The following WDR7 variants were observed in gnomAD, a reference collection of about 807,000 sequenced individuals.
WDR7 encodes the protein WD repeat domain 7.
WDR7 carries 46 observed loss-of-function variants against 169.4 expected under a neutral mutation model. The ratio of observed to expected loss-of-function variants is 0.27; its 90% CI spans 0.21 to 0.35. The LOEUF (loss-of-function observed/expected upper bound fraction) is 0.35. WDR7 is among the 10% of genes least tolerant of loss of function. WDR7 has a pLI of 1.00. For synonymous variants in WDR7, 612 were observed against 666.8 expected (o/e 0.92, Z 1.27); for missense variants, 1,534 against 1,859.3 (o/e 0.83, Z 3.22).
At chr18:56,919,266 A>G (rs2046674614) in intron 21 of WDR7, among the ~76,000 whole-genome samples, 2 of 152,138 alleles carry the variant, frequency 1.3e-5, no homozygotes, top group South Asian at 4.1e-4. Context: ...ATGTAATTAG[A>G]CCTTAAAAGG....
chr18:57,023,950 G>A (rs1034794148), intron 27 of WDR7, among the ~76,000 whole-genome samples: 1 of 152,132 alleles, frequency 6.6e-6, no homozygotes. Context: ...AACAAGAGAA[G>A]ACTGCCATCA....
At chr18:56,659,462 C>T (rs1028719830) in intron 1 of WDR7, among the ~76,000 whole-genome samples, 1 of 152,144 alleles carries the variant, frequency 6.6e-6, no homozygotes, top group Admixed American at 6.5e-5. Flanking sequence ...AAACACAGAT[C>T]TTTACCATCA....
intron 14 of WDR7, among the ~76,000 whole-genome samples, chr18:56,752,912 A>G (rs1264195927): frequency 6.6e-6 from 1 of 152,242 alleles, no homozygotes; most frequent in Non-Finnish European, 1.5e-5. Flanking sequence ...AAGCATATGC[A>G]GAAATACAAA....
chr18:57,017,224 G>A (rs993827949), intron 26 of WDR7, among the ~76,000 whole-genome samples: 1 of 152,188 alleles, frequency 6.6e-6, no homozygotes, highest in Admixed American at 6.5e-5. Flanking sequence ...AGCACCTCTC[G>A]GGCTGAGATT....
chr18:56,681,094 A>G (rs1253066224), intron 3 of WDR7, among the ~76,000 whole-genome samples: 3 of 152,186 alleles, frequency 2.0e-5, no homozygotes, highest in Non-Finnish European at 4.4e-5. Flanking sequence ...TTATGGGCCT[A>G]CAAAGAATGT....
chr18:56,917,857 T>TA (rs376396294), intron 21 of WDR7, among the ~76,000 whole-genome samples: 3,071 of 151,190 alleles, frequency 0.02, 28 homozygotes, highest in Non-Finnish European at 0.03. Flanking sequence ...ATAGCACCTT[T>TA]AAAAAAAAAG....
At chr18:56,926,719 A>G (rs1409987028) in intron 22 of WDR7, among the ~76,000 whole-genome samples, 1 of 152,244 alleles carries the variant, frequency 6.6e-6, no homozygotes, top group South Asian at 2.1e-4. Flanking sequence ...AAATGAATGT[A>G]TCAGCATGTA....
Position 57,024,204 on chromosome 18 carries a change from C to T in WDR7, c.4270-2800C>T, listed in dbSNP as rs191911443. Among the ~76,000 whole-genome samples, 6 of 152,158 alleles carry T rather than the reference C, an allele frequency of 3.9e-5. No individual in the cohort carries two copies. The East Asian group carries it at 1.2e-3, about 29-fold the overall frequency. On this transcript the variant is annotated intron_variant, in intron 27 of 27. Coordinates refer to ENST00000254442, the MANE Select transcript of WDR7 (RefSeq NM_015285.3). ...AATGAGTATTTACTATCTTTGCAATCAGGAAAAAGTGAATGTTACCAAATC... is the reference window on the plus strand; with the variant it reads ...AATGAGTATTTACTATCTTTGCAATTAGGAAAAAGTGAATGTTACCAAATC...
intron 26 of WDR7, among the ~76,000 whole-genome samples, chr18:57,005,195 CTG>C (rs976492155): frequency 6.6e-6 from 1 of 152,040 alleles, no homozygotes; most frequent in Admixed American, 6.6e-5. Flanking sequence ...TTATAAAAAA[CTG>C]TTTAAAAAAA....
chr18:56,990,700 A>G (rs1349443424), intron 26 of WDR7, among the ~76,000 whole-genome samples: 1 of 152,202 alleles, frequency 6.6e-6, no homozygotes, highest in African/African-American at 2.4e-5. Flanking sequence ...TATATTACTA[A>G]TAATACTTAG....
rs529986467 is a variant in WDR7 at position 56,778,402 on chromosome 18, C to T, written c.2948-1029C>T. ...ACATGATAGCAGACTTTTTTTTGCA[C>T]CCATCTTTGATTACTTGTCTTTAAA... On this transcript the variant is annotated intron_variant, in intron 17 of 27. Coordinates refer to ENST00000254442, the MANE Select transcript of WDR7 (RefSeq NM_015285.3). Among the ~76,000 whole-genome samples the T allele has an allele frequency of 2.0e-5, 3 of 151,984 alleles. No homozygotes were observed. In the South Asian group the frequency reaches 6.2e-4, roughly 32 times the overall value.
At position 57,015,154 on chromosome 18, in the gene WDR7, C is replaced by T. The variant is rs376626930; in HGVS notation, c.4165-5591C>T. ...TTTTCATCTGTCTGACCTGCTTCAC[C>T]GTAGCCCTGTCCACACACACAGCAG... On this transcript the variant is annotated intron_variant, in intron 26 of 27. Coordinates refer to ENST00000254442, the MANE Select transcript of WDR7 (RefSeq NM_015285.3). 3.3e-5 allele frequency among the ~76,000 whole-genome samples: 5 copies of T among 152,186 alleles called. No individual in the cohort carries two copies. The South Asian group carries it at 1.0e-3, about 32-fold the overall frequency.
At chr18:57,026,145 A>G (rs1004913273) in intron 27 of WDR7, among the ~76,000 whole-genome samples, 28 of 152,262 alleles carry the variant, frequency 1.8e-4, no homozygotes, top group African/African-American at 6.3e-4. Context: ...GTTGCTTAGG[A>G]AACAGTTCAC....
chr18:56,826,681 T>G (rs2045209864), intron 20 of WDR7, among the ~76,000 whole-genome samples: 1 of 152,168 alleles, frequency 6.6e-6, no homozygotes, highest in South Asian at 2.1e-4. Context: ...TTCTCATCTT[T>G]TTTGTTATAA....
intron 26 of WDR7, among the ~76,000 whole-genome samples, chr18:56,968,134 T>A (rs1295853559): frequency 2.0e-5 from 3 of 151,980 alleles, no homozygotes; most frequent in Admixed American, 6.6e-5. Context: ...AGCAATGATG[T>A]ATAGAGAAAG....
chr18:56,820,822 C>T (rs1441726390), intron 20 of WDR7, among the ~76,000 whole-genome samples: 1 of 152,018 alleles, frequency 6.6e-6, no homozygotes, highest in Non-Finnish European at 1.5e-5. Context: ...TAGGTATGAT[C>T]TTAGAGACTA....
At chr18:56,988,595 G>GTA (rs1260682995) in intron 26 of WDR7, among the ~76,000 whole-genome samples, 5 of 42,978 alleles carry the variant, frequency 1.2e-4, no homozygotes, top group African/African-American at 2.7e-4. Context: ...AGGCAAGTGT[G>GTA]TGTGTGTGTG....
At chr18:56,778,400 C>T (rs1481232945) in intron 17 of WDR7, among the ~76,000 whole-genome samples, 1 of 151,872 alleles carries the variant, frequency 6.6e-6, no homozygotes, top group Non-Finnish European at 1.5e-5. Flanking sequence ...CTTTTTTTTG[C>T]ACCCATCTTT....
intron 12 of WDR7, among the ~76,000 whole-genome samples, chr18:56,715,379 C>T (rs931240952): frequency 6.6e-6 from 1 of 152,122 alleles, no homozygotes; most frequent in Non-Finnish European, 1.5e-5. Flanking sequence ...ATTTTCTCTA[C>T]TTTTTGGAAA....
Sources: allele counts gnomAD v4.1 joint callset (sites outside exome capture counted in the v4.1 genomes callset), GRCh38; gene constraint gnomAD v4.1.1; transcripts MANE v1.5; gene names NCBI Gene and HGNC (gene_info 2026-07-23, HGNC 2026-07-21).